The following TENM2 variants were observed in gnomAD, a reference collection of about 807,000 sequenced individuals.
The protein encoded by TENM2 is teneurin transmembrane protein 2, also known as teneurin-2.
TENM2 carries 52 observed loss-of-function variants against 245.2 expected under a neutral mutation model. The observed-to-expected ratio is 0.21, with a 90% CI of 0.17 to 0.27. The LOEUF is 0.27. Ranked by LOEUF, TENM2 falls within the 10% of genes least tolerant of loss-of-function variation. TENM2 has a pLI of 1.00. For missense variants in TENM2, 3,046 were observed against 3,666.8 expected, an observed-to-expected ratio of 0.83 and a Z score of 4.37; for synonymous variants, 1,363 against 1,438.9, an observed-to-expected ratio of 0.95 and a Z score of 1.19.
At chr5:167,279,499 TCTTTCCTTCCTTC>T in the TENM2 span, among the ~76,000 whole-genome samples, 944 of 143,522 alleles carry the variant, frequency 6.6e-3, 4 homozygotes, top group Non-Finnish European at 0.01. Context: ...TCTTTCTCTT[TCTTTCCTTCCTTC>T]CTTTCCTTCC....
chr5:167,040,800 G>T, the TENM2 span, among the ~76,000 whole-genome samples: 6 of 152,136 alleles, frequency 3.9e-5, no homozygotes, highest in Admixed American at 3.3e-4. Flanking sequence ...GAGCTTTAAT[G>T]AATCTTTGAA....
At chr5:167,106,148 A>G in the TENM2 span, among the ~76,000 whole-genome samples, 4 of 152,084 alleles carry the variant, frequency 2.6e-5, no homozygotes, top group Admixed American at 2.6e-4. Context: ...GCCTGGTACT[A>G]TTCCTGTATT....
chr5:167,650,436 T>C lies in TENM2; in HGVS notation c.503-225550T>C, dbSNP rs574948408. 1.7e-4 allele frequency among the ~76,000 whole-genome samples: 26 copies of C among 152,346 alleles called. No homozygotes were observed. In the South Asian group the frequency reaches 5.2e-3, roughly 30 times the overall value. Reference sequence around the variant, plus strand: ...TCTTAGGAAATATATTTAACTTTTATGAGATCCCCGTAATACATCTTTAAT... The same window carrying C: ...TCTTAGGAAATATATTTAACTTTTACGAGATCCCCGTAATACATCTTTAAT... On this transcript the variant is annotated intron_variant, in intron 2 of 28. Coordinates refer to ENST00000518659, the Ensembl canonical transcript of TENM2.
intron 2 of TENM2, among the ~76,000 whole-genome samples, chr5:167,446,692 AC>A (rs1286681186): frequency 2.1e-4 from 3 of 14,210 alleles, no homozygotes; most frequent in African/African-American, 1.1e-4. Context: ...AAACCTATCA[AC>A]TTTTTTGGGG....
the TENM2 span, among the ~76,000 whole-genome samples, chr5:167,118,746 G>C: frequency 6.6e-6 from 1 of 152,286 alleles, no homozygotes; most frequent in East Asian, 1.9e-4. Context: ...AAGTGAAGGG[G>C]AAGGGAGGGG....
At chr5:167,704,650 G>T (rs971508618) in intron 2 of TENM2, among the ~76,000 whole-genome samples, 1 of 152,012 alleles carries the variant, frequency 6.6e-6, no homozygotes, top group South Asian at 2.1e-4. Context: ...GAAAAAGAAG[G>T]CTTTGAATAA....
In TENM2 at chr5:168,195,257, C is replaced by A; in HGVS notation, c.2862C>A (p.Tyr954Ter). The A allele has an allele frequency of 6.2e-7, 1 of 1,604,742 alleles. No individual in the cohort carries two copies. Among genetic ancestry groups the A allele is most frequent in the Non-Finnish European group, 8.5e-7 (1 of 1,175,040 alleles). Residue 954 changes from tyrosine to a stop codon, truncating the protein, a stop_gained, in exon 15 of 29, where the codon TAC becomes TAA. Coordinates refer to ENST00000518659, the Ensembl canonical transcript of TENM2. LOFTEE classifies it high-confidence loss of function. ...GTGTGAACGTGTCTTTTGTCAAGTA[C>A]CCAAAATACGGCTACACCATCACCC... is the stretch of plus-strand genomic sequence containing the variant.
At chr5:167,462,430 C>T (rs1766375393) in intron 2 of TENM2, among the ~76,000 whole-genome samples, 1 of 152,232 alleles carries the variant, frequency 6.6e-6, no homozygotes, top group South Asian at 2.1e-4. Flanking sequence ...TTAACCAGCT[C>T]AGTGCCCTCT....
At chr5:167,568,735 ACAATATTGTTCATCACCATGT>A in intron 2 of TENM2, among the ~76,000 whole-genome samples, 1 of 152,140 alleles carries the variant, frequency 6.6e-6, no homozygotes, top group East Asian at 1.9e-4. Context: ...TGAAAATTCA[ACAATATTGTTCATCACCATGT>A]ACACAGAAAA....
At chr5:167,038,223 G>A in the TENM2 span, among the ~76,000 whole-genome samples, 14 of 152,318 alleles carry the variant, frequency 9.2e-5, no homozygotes, top group Admixed American at 3.9e-4. Flanking sequence ...AACATCTTCC[G>A]TGACCAAAGG....
At chr5:168,127,514 T>C (rs1795942093) in intron 12 of TENM2, among the ~76,000 whole-genome samples, 1 of 152,242 alleles carries the variant, frequency 6.6e-6, no homozygotes, top group Non-Finnish European at 1.5e-5. Context: ...GCCACCTCTC[T>C]ATAAAAGCTT....
At chr5:168,036,634 CA>C (rs201087090) in intron 5 of TENM2, among the ~76,000 whole-genome samples, 758 of 60,554 alleles carry the variant, frequency 0.013, 17 homozygotes, top group Middle Eastern at 0.11. Flanking sequence ...GAAACTCCAT[CA>C]AAAAAAAAAT....
At chr5:167,799,101 T>C (rs1404499086) in intron 2 of TENM2, among the ~76,000 whole-genome samples, 28 of 152,164 alleles carry the variant, frequency 1.8e-4, no homozygotes, top group Non-Finnish European at 2.9e-5. Context: ...GCCCTCCTGC[T>C]CCAGGACCCA....
chr5:168,130,142 A>C (rs1400304113), intron 12 of TENM2: 1 of 152,234 alleles, frequency 6.6e-6, no homozygotes, highest in Non-Finnish European at 1.5e-5. Context: ...CAGACTTCTA[A>C]AACTTAGTCA....
intron 2 of TENM2, among the ~76,000 whole-genome samples, chr5:167,414,823 G>A (rs769723805): frequency 4.6e-5 from 7 of 152,062 alleles, no homozygotes; most frequent in Non-Finnish European, 7.4e-5. Context: ...TTCTGGGAAC[G>A]TTGCTTCATC....
the TENM2 span, among the ~76,000 whole-genome samples, chr5:167,239,024 A>G: frequency 1.3e-5 from 2 of 152,194 alleles, no homozygotes; most frequent in Non-Finnish European, 2.9e-5. Flanking sequence ...AACATTCCTT[A>G]TGTGTCTGGG....
intron 2 of TENM2, among the ~76,000 whole-genome samples, chr5:167,591,676 A>C (rs2127707507): frequency 6.6e-6 from 1 of 152,352 alleles, no homozygotes; most frequent in South Asian, 2.1e-4. Flanking sequence ...CTCTTTATAT[A>C]TCAGTTTTTA....
At chr5:167,101,923 A>ATT in the TENM2 span, among the ~76,000 whole-genome samples, 1 of 116,464 alleles carries the variant, frequency 8.6e-6, no homozygotes, top group Non-Finnish European at 1.7e-5. Flanking sequence ...CATATATACA[A>ATT]TTATATATAT....
At chr5:167,692,302 C>A (rs538902579) in intron 2 of TENM2, among the ~76,000 whole-genome samples, 1 of 152,196 alleles carries the variant, frequency 6.6e-6, no homozygotes, top group African/African-American at 2.4e-5. Context: ...CCCCCATTCA[C>A]TCTAACTTAG....
Sources: gnomAD v4.1 joint callset for allele counts (sites outside exome capture counted in the v4.1 genomes callset) on GRCh38, gnomAD v4.1.1 for gene constraint, MANE v1.5 for transcripts, NCBI Gene and HGNC (gene_info 2026-07-23, HGNC 2026-07-21) for gene names.